The following DZIP1 variants were observed in gnomAD, a reference collection of about 807,000 sequenced individuals.
DZIP1 encodes the protein cilium assembly protein DZIP1.
Under a neutral mutation model 107.6 loss-of-function variants are expected in DZIP1, and 97 were observed. The ratio of observed to expected loss-of-function variants is 0.90; its 90% CI spans 0.77 to 1.07. The LOEUF is 1.07. DZIP1 is among the 50% of genes least tolerant of loss of function. The pLI is 0.00. For missense variants in DZIP1, 1,035 were observed against 1,063.6 expected, an observed-to-expected ratio of 0.97 and a Z score of 0.37; for synonymous variants, 390 against 386.4, an observed-to-expected ratio of 1.01 and a Z score of -0.11.
chr13:95,605,338 G>A (rs1052013926), intron 14 of DZIP1, among the ~76,000 whole-genome samples: 2 of 152,176 alleles, frequency 1.3e-5, no homozygotes, highest in Non-Finnish European at 1.5e-5. Context: ...ATCCAACAGA[G>A]CACAGGAAAA....
At chr13:95,634,045 C>T (rs1392612867) in intron 5 of DZIP1, among the ~76,000 whole-genome samples, 3 of 152,318 alleles carry the variant, frequency 2.0e-5, no homozygotes, top group South Asian at 2.1e-4. Context: ...TTCTGGAGCC[C>T]CTGATGCTGC....
intron 9 of DZIP1, 106 bp downstream of exon 9, chr13:95,622,237 G>T: frequency 1.4e-6 from 2 of 1,425,436 alleles, no homozygotes; most frequent in Middle Eastern, 1.8e-4. Context: ...CACCTTCAGG[G>T]TTACTAAAAA....
chr13:95,589,222 G>GA lies in DZIP1; in HGVS notation c.1974-16dup. 2 of 1,555,222 alleles carry GA rather than the reference G, an allele frequency of 1.3e-6. No individual in the cohort carries two copies. The highest frequency in any genetic ancestry group is 1.8e-6 in the Non-Finnish European group (2 of 1,137,534). Reference sequence around the variant, plus strand: ...TTTTCTTAATTCTAAAAAAACAACAGAAAAATATTTTTAAATTGCATAAGT... The same window carrying GA: ...TTTTCTTAATTCTAAAAAAACAACAGAAAAAATATTTTTAAATTGCATAAGT... On this transcript the variant is annotated splice_polypyrimidine_tract_variant and intron_variant, in intron 18 of 22. Coordinates refer to ENST00000376829, the MANE Select transcript of DZIP1 (RefSeq NM_198968.4).
intron 15 of DZIP1, 70 bp from the exon 16 acceptor site, chr13:95,594,156 A>G: frequency 7.7e-7 from 1 of 1,297,926 alleles, no homozygotes; most frequent in Non-Finnish European, 1.1e-6. Context: ...CTAAGCAGAA[A>G]ATGGCAAACC....
chr13:95,599,911 G>A (rs1259222380), intron 14 of DZIP1, among the ~76,000 whole-genome samples: 1 of 152,176 alleles, frequency 6.6e-6, no homozygotes, highest in Non-Finnish European at 1.5e-5. Flanking sequence ...GGAACGACAG[G>A]CGAGAGGTCA....
chr13:95,630,715 T>C, intron 6 of DZIP1: 1 of 1,255,618 alleles, frequency 8.0e-7, no homozygotes, highest in Non-Finnish European at 1.0e-6. Flanking sequence ...TGTACTTACA[T>C]GCAGATGTAC....
Position 95,627,382 on chromosome 13 carries a change from T to TATA in DZIP1, c.811-2454_811-2453insTAT, listed in dbSNP as rs572545855. 4.4e-3 allele frequency among the ~76,000 whole-genome samples: 670 copies of TATA among 152,272 alleles called. 8 individuals carry two copies. Among genetic ancestry groups the TATA allele is most frequent in the African/African-American group, 0.015 (644 of 41,564 alleles). ...AACTCAAAATAGACCAATGACCTAA[T>TATA]AGAGCTAAAGTGATGAAACTATTAG... On this transcript the variant is annotated intron_variant, in intron 7 of 22. Transcript: ENST00000376829.
intron 13 of DZIP1, among the ~76,000 whole-genome samples, 173 bp downstream of exon 13, chr13:95,609,284 T>C (rs757478337): frequency 6.6e-6 from 1 of 152,248 alleles, no homozygotes; most frequent in Non-Finnish European, 1.5e-5. Flanking sequence ...TGGATATTTG[T>C]AGTCTTGGGT....
intron 6 of DZIP1, among the ~76,000 whole-genome samples, chr13:95,632,696 G>A (rs1261394784): frequency 2.6e-5 from 4 of 152,094 alleles, no homozygotes; most frequent in African/African-American, 4.8e-5. Flanking sequence ...ACGCCTTCAC[G>A]GCTTCCTGTG....
intron 7 of DZIP1, among the ~76,000 whole-genome samples, chr13:95,629,457 A>T (rs1876937885): frequency 6.6e-6 from 1 of 151,996 alleles, no homozygotes; most frequent in South Asian, 2.1e-4. Context: ...CATGAGGGAG[A>T]CTCAACCCTC....
At chr13:95,636,543 CAAA>C (rs58289509) in intron 5 of DZIP1, among the ~76,000 whole-genome samples, 4 of 118,274 alleles carry the variant, frequency 3.4e-5, no homozygotes, top group East Asian at 2.4e-4. Flanking sequence ...GACCTTGACT[CAAA>C]AAAAAAAAAA....
At chr13:95,596,940 C>A (rs944768507) in intron 15 of DZIP1, among the ~76,000 whole-genome samples, 9 of 152,328 alleles carry the variant, frequency 5.9e-5, no homozygotes, top group African/African-American at 2.2e-4. Context: ...TGGAAGGAGG[C>A]AGTCACTGGT....
rs1033328079 is a variant in DZIP1 at position 95,585,133 on chromosome 13, A to G, written c.2350-223T>C. On this transcript the variant is annotated intron_variant, in intron 21 of 22. Transcript: ENST00000376829. The stretch of plus-strand genomic sequence containing the variant: ...TCTTTTTCGTTTCTGCCATGGAAAT[A>G]TATGTTTCCTACTCTACCAATCATG... Among the ~76,000 whole-genome samples, 3 of 152,226 alleles carry G rather than the reference A, an allele frequency of 2.0e-5. No homozygotes were observed. In the East Asian group the frequency reaches 5.8e-4, roughly 29 times the overall value.
rs2045030534 is a variant in DZIP1 at position 95,612,122 on chromosome 13, C to T, written c.1229G>A (p.Ser410Asn). The T allele has an allele frequency of 2.5e-6, 4 of 1,613,534 alleles. No homozygotes were observed. The highest frequency in any genetic ancestry group is 2.2e-5 in the East Asian group (1 of 44,886). Residue 410 changes from serine to asparagine, a missense_variant, in exon 11 of 23, where the codon AGC becomes AAC. Physicochemically the swap from Ser to Asn is conservative, Grantham distance 46. Transcript: ENST00000376829. ...RTSMIDDLNA[S>N]NVFYKKRIEE... ...TATCCTTTTCTTATAGAAAACATTG[C>T]TTGCATTTAGATCATCTATCATTGA... is the stretch of plus-strand genomic sequence containing the variant.
chr13:95,624,478 A>C (rs1179292659), intron 8 of DZIP1, among the ~76,000 whole-genome samples: 2 of 152,204 alleles, frequency 1.3e-5, no homozygotes, highest in East Asian at 3.8e-4. Context: ...AGGAGTTTAC[A>C]GTTCAAGGCT....
At chr13:95,630,794 G>A (rs1215427041) in intron 6 of DZIP1, 1 of 1,251,850 alleles carries the variant, frequency 8.0e-7, no homozygotes, top group Non-Finnish European at 1.0e-6. Context: ...AAAGTAGAAA[G>A]TCAGAATCTC....
intron 14 of DZIP1, among the ~76,000 whole-genome samples, chr13:95,603,654 G>A (rs779999138): frequency 6.6e-6 from 1 of 152,102 alleles, no homozygotes; most frequent in Admixed American, 6.5e-5. Context: ...AGAGCAAAGT[G>A]GTCTCCAGTG....
At chr13:95,638,940 G>T (rs1878159822) in intron 5 of DZIP1, among the ~76,000 whole-genome samples, 1 of 152,190 alleles carries the variant, frequency 6.6e-6, no homozygotes, top group Non-Finnish European at 1.5e-5. Flanking sequence ...TATAGGGGAA[G>T]AAAGAAAAAC....
intron 21 of DZIP1, 73 bp downstream of exon 21, chr13:95,585,933 A>G (rs2044147621): frequency 6.9e-7 from 1 of 1,442,460 alleles, no homozygotes; most frequent in South Asian, 1.4e-5. Context: ...ATATTTCACT[A>G]CAAAAAGTGT....
Sources: gnomAD v4.1 joint callset for allele counts (sites outside exome capture counted in the v4.1 genomes callset) on GRCh38, gnomAD v4.1.1 for gene constraint, MANE v1.5 for transcripts, NCBI Gene and HGNC (gene_info 2026-07-23, HGNC 2026-07-21) for gene names.